Variants in TNRC6B observed in about 807,000 individuals in gnomAD.
TNRC6B encodes the protein trinucleotide repeat containing adaptor 6B.
TNRC6B carries 52 observed loss-of-function variants against 203.6 expected under a neutral mutation model. The ratio of observed to expected loss-of-function variants is 0.26; its 90% confidence interval spans 0.20 to 0.32. The LOEUF is 0.32. TNRC6B is among the 10% of genes least tolerant of loss of function. TNRC6B has a pLI of 1.00. For missense variants in TNRC6B, 1,923 were observed against 2,286.2 expected, an observed-to-expected ratio of 0.84 and a Z score of 3.24; for synonymous variants, 838 against 845.7, an observed-to-expected ratio of 0.99 and a Z score of 0.16.
In TNRC6B at chr22:40,132,506, C is replaced by T. The variant is rs1344379771; in HGVS notation, c.45+6644C>T. Among the ~76,000 whole-genome samples, 12 of 144,068 alleles carry T rather than the reference C, an allele frequency of 8.3e-5. 1 individual carries two copies. The South Asian group carries it at 1.6e-3, about 19-fold the overall frequency. 94.5% of individuals were successfully genotyped at this position (144,068 alleles called of 152,430 possible). ...AATAAAGGCGAGGCGAGGGCGAGGGCGAGGGCGAGGGGCCTGTAGTCCCAG... is the reference window on the plus strand; with the variant it reads ...AATAAAGGCGAGGCGAGGGCGAGGGTGAGGGCGAGGGGCCTGTAGTCCCAG... On this transcript the variant is annotated intron_variant, in intron 3 of 23. Coordinates refer to the TNRC6B transcript ENST00000301923.
chr22:40,289,788 C>T (rs772534377), intron 12 of TNRC6B, among the ~76,000 whole-genome samples: 26 of 152,204 alleles, frequency 1.7e-4, no homozygotes, highest in Non-Finnish European at 2.8e-4. Context: ...CATTTTTCCT[C>T]AACTCCACAG....
chr22:40,313,631 TAA>T (rs1365835708), intron 19 of TNRC6B, among the ~76,000 whole-genome samples: 1 of 152,238 alleles, frequency 6.6e-6, no homozygotes, highest in African/African-American at 2.4e-5. Context: ...CTTAAGCTGT[TAA>T]AGTCATTATG....
At chr22:40,091,066 T>C (rs60771449) in intron 1 of TNRC6B, among the ~76,000 whole-genome samples, 6,708 of 152,140 alleles carry the variant, frequency 0.044, 449 homozygotes, top group African/African-American at 0.14. Context: ...ACTGCAAGCT[T>C]CGCCTCCCGG....
intron 1 of TNRC6B, among the ~76,000 whole-genome samples, chr22:40,227,154 C>T (rs2069800098): frequency 6.7e-6 from 1 of 148,896 alleles, no homozygotes; most frequent in Non-Finnish European, 1.5e-5. Flanking sequence ...CCATGTTGGC[C>T]AGGCTGGTCT....
intron 1 of TNRC6B, among the ~76,000 whole-genome samples, chr22:40,204,017 C>G (rs192886064): frequency 1.4e-4 from 21 of 152,316 alleles, no homozygotes; most frequent in Admixed American, 3.3e-4. Context: ...ACTTTTCATC[C>G]CTATTCGCTT....
chr22:40,266,237 A>C lies in TNRC6B; in HGVS notation c.2007A>C (p.Ala669=). ...AGAACTCAGGGGGCTGGGGAGATGC[A>C]CCCAGCCAAAGCAATCAAATGAAGT... The part of the protein sequence containing the change: ...QTKNSGGWGD[A]PSQSNQMKSG... The change falls in exon 5 of 23, where the codon GCA becomes GCC. Residue 669 remains alanine, a synonymous_variant. Coordinates refer to ENST00000454349, the MANE Select transcript of TNRC6B (RefSeq NM_001162501.2). 2 of 1,602,246 alleles carry C rather than the reference A, an allele frequency of 1.2e-6. No individual in the cohort carries two copies. The highest frequency in any genetic ancestry group is 1.7e-6 in the Non-Finnish European group (2 of 1,173,902).
intron 5 of TNRC6B, among the ~76,000 whole-genome samples, chr22:40,268,879 C>G (rs943257694): frequency 3.1e-4 from 47 of 151,666 alleles, no homozygotes; most frequent in Non-Finnish European, 4.7e-4. Context: ...CGCCACTGCA[C>G]TCCAGCCTGG....
intron 1 of TNRC6B, among the ~76,000 whole-genome samples, chr22:40,194,033 G>T (rs549713738): frequency 1.9e-4 from 29 of 152,226 alleles, no homozygotes; most frequent in African/African-American, 6.8e-4. Context: ...CTGAGGTTGC[G>T]TGAGGATAGG....
chr22:40,206,714 G>A (rs2069482975), intron 1 of TNRC6B, among the ~76,000 whole-genome samples: 1 of 149,658 alleles, frequency 6.7e-6, no homozygotes, highest in Admixed American at 6.6e-5. Flanking sequence ...GGCTGAGGTG[G>A]GTCAGCGCGT....
At chr22:40,189,054 C>T (rs1362031851) in intron 1 of TNRC6B, among the ~76,000 whole-genome samples, 2 of 152,158 alleles carry the variant, frequency 1.3e-5, no homozygotes, top group Admixed American at 6.5e-5. Context: ...ATCAGTCCCA[C>T]TCAGTTATCA....
intron 16 of TNRC6B, among the ~76,000 whole-genome samples, chr22:40,309,350 G>C (rs373331653): frequency 6.6e-6 from 1 of 152,220 alleles, no homozygotes; most frequent in South Asian, 2.1e-4. Context: ...GTGTCCGGCT[G>C]TTCCTGCTGC....
At chr22:40,084,129 A>G (rs1466098757) in intron 1 of TNRC6B, among the ~76,000 whole-genome samples, 1 of 152,180 alleles carries the variant, frequency 6.6e-6, no homozygotes, top group Non-Finnish European at 1.5e-5. Context: ...TTGGAAGCGA[A>G]TTGAAGGTTC....
chr22:40,111,825 G>A (rs922387020), intron 1 of TNRC6B, among the ~76,000 whole-genome samples: 2 of 152,204 alleles, frequency 1.3e-5, no homozygotes, highest in African/African-American at 2.4e-5. Flanking sequence ...AGACCAGGCT[G>A]GGCGCAGTGG....
intron 2 of TNRC6B, among the ~76,000 whole-genome samples, chr22:40,247,350 C>T (rs528985986): frequency 1.3e-5 from 2 of 152,238 alleles, no homozygotes; most frequent in Admixed American, 6.5e-5. Flanking sequence ...ATTTAGAAGA[C>T]AGTCAAGGCA....
At chr22:40,315,105 TGTTC>T (rs2071239422) in intron 19 of TNRC6B, among the ~76,000 whole-genome samples, 174 bp from the exon 20 acceptor site, 2 of 152,238 alleles carry the variant, frequency 1.3e-5, no homozygotes, top group Admixed American at 1.3e-4. Flanking sequence ...GAAAATTTTA[TGTTC>T]GTTATGCTCT....
In TNRC6B at chr22:40,057,509, TCTCAAACTCCTGACCTCAGGTGATC is replaced by T. The variant is rs1477471190; in HGVS notation, c.-121+12513_-121+12537del. On this transcript the variant is annotated intron_variant, in intron 1 of 23. Coordinates refer to the TNRC6B transcript ENST00000301923. ...GATTTCTCCATGTTGGTCAGGCTGGTCTCAAACTCCTGACCTCAGGTGATCCGCAGCCTCCCAAAGTGCTGGGATT... is the reference window on the plus strand; with the variant it reads ...GATTTCTCCATGTTGGTCAGGCTGGTCGCAGCCTCCCAAAGTGCTGGGATT... Among the ~76,000 whole-genome samples, 4 of 152,252 alleles carry T rather than the reference TCTCAAACTCCTGACCTCAGGTGATC, an allele frequency of 2.6e-5. No individual in the cohort carries two copies. In the East Asian group the frequency reaches 5.8e-4, roughly 22 times the overall value.
chr22:40,271,481 A>G (rs1183925373), intron 6 of TNRC6B, among the ~76,000 whole-genome samples: 5 of 152,228 alleles, frequency 3.3e-5, no homozygotes, highest in South Asian at 4.1e-4. Context: ...ATTTGACTAC[A>G]TTTTAAAAAT....
intron 1 of TNRC6B, among the ~76,000 whole-genome samples, chr22:40,186,299 A>C (rs2069201730): frequency 1.3e-5 from 2 of 152,034 alleles, no homozygotes; most frequent in Admixed American, 6.6e-5. Context: ...CAGGAAGAAA[A>C]GTATTTGGTT....
intron 18 of TNRC6B, 62 bp downstream of exon 18, chr22:40,312,713 T>C (rs1339326247): frequency 6.4e-7 from 1 of 1,559,182 alleles, no homozygotes; most frequent in Admixed American, 1.9e-5. Context: ...TGTCAGTTTG[T>C]GACTTCATTT....
Sources: allele counts gnomAD v4.1 joint callset (sites outside exome capture counted in the v4.1 genomes callset), GRCh38; gene constraint gnomAD v4.1.1; transcripts MANE v1.5; gene names NCBI Gene and HGNC (gene_info 2026-07-23, HGNC 2026-07-21).